Variants in ILRUN observed in about 807,000 individuals in gnomAD.
The protein encoded by ILRUN is inflammation and lipid regulator with UBA-like and NBR1-like domains, also known as protein ILRUN.
ILRUN carries 3 observed loss-of-function variants against 33.8 expected under a neutral mutation model. The observed-to-expected ratio is 0.09, with a 90% CI of 0.04 to 0.23. ILRUN has a LOEUF of 0.23. ILRUN is among the 10% of genes least tolerant of loss of function. The probability of loss-of-function intolerance (pLI) is 1.00; values close to 1 mark genes in which losing one functional copy is unlikely to be tolerated. For missense variants in ILRUN, 210 were observed against 375.1 expected, an observed-to-expected ratio of 0.56 and a Z score of 3.64; for synonymous variants, 124 against 138.9, an observed-to-expected ratio of 0.89 and a Z score of 0.75.
At chr6:34,629,965 T>G (rs1343072383) in intron 3 of ILRUN, among the ~76,000 whole-genome samples, 8 of 152,184 alleles carry the variant, frequency 5.3e-5, no homozygotes, top group African/African-American at 1.9e-4. Flanking sequence ...AAATTCTGAC[T>G]TATAAATTAG....
At chr6:34,616,249 G>A (rs933696091) in intron 3 of ILRUN, among the ~76,000 whole-genome samples, 5 of 152,222 alleles carry the variant, frequency 3.3e-5, no homozygotes, top group African/African-American at 1.2e-4. Context: ...GAAGATTATG[G>A]TGGAGGCCAC....
chr6:34,602,858 G>C (rs1761540237), intron 4 of ILRUN, among the ~76,000 whole-genome samples: 1 of 152,312 alleles, frequency 6.6e-6, no homozygotes, highest in Non-Finnish European at 1.5e-5. Context: ...TCCCCCCAGG[G>C]ACGGAGCACT....
Position 34,590,492 on chromosome 6 carries a change from G to T in ILRUN, c.*73C>A. 1 of 1,609,056 alleles carries T rather than the reference G, an allele frequency of 6.2e-7. No homozygotes were observed. Among genetic ancestry groups the T allele is most frequent in the South Asian group, 1.1e-5 (1 of 90,496 alleles). ...TGTGCGATGTGGTCTGCAATCCAGAGGAACCCCTTGCCCTAACCCCCCAAA... is the reference window on the plus strand; with the variant it reads ...TGTGCGATGTGGTCTGCAATCCAGATGAACCCCTTGCCCTAACCCCCCAAA... On this transcript the variant is annotated 3_prime_UTR_variant, in exon 5 of 5. Transcript: ENST00000374023.
At chr6:34,590,727 G>A (rs370887298) in intron 4 of ILRUN, 127 bp from the exon 5 acceptor site, 2 of 713,092 alleles carry the variant, frequency 2.8e-6, no homozygotes, top group East Asian at 5.1e-5. Context: ...AAGGCCTGAG[G>A]GTCTTTGCCA....
At chr6:34,612,731 A>C (rs528969669) in intron 3 of ILRUN, among the ~76,000 whole-genome samples, 1 of 152,190 alleles carries the variant, frequency 6.6e-6, no homozygotes, top group African/African-American at 2.4e-5. Flanking sequence ...ACATGGTGAA[A>C]CCCCATCCCT....
In ILRUN at chr6:34,598,141, A is replaced by C. The variant is rs145386008; in HGVS notation, c.862-7541T>G. Among the ~76,000 whole-genome samples the C allele has an allele frequency of 5.6e-3, 850 of 152,302 alleles. 9 individuals carry two copies. The highest frequency in any genetic ancestry group is 0.012 in the African/African-American group (508 of 41,554). On this transcript the variant is annotated intron_variant, in intron 4 of 4. Transcript: ENST00000374023. Reference sequence around the variant, plus strand: ...GGAGACCTCACTTACTGACTGAATAATATCAGTCAGTATTATTGACTGTAT... The same window carrying C: ...GGAGACCTCACTTACTGACTGAATACTATCAGTCAGTATTATTGACTGTAT...
chr6:34,692,265 G>A (rs936374177), intron 1 of ILRUN, among the ~76,000 whole-genome samples: 2 of 152,148 alleles, frequency 1.3e-5, no homozygotes, highest in Non-Finnish European at 2.9e-5. Flanking sequence ...CACTCAGACA[G>A]GTTTAATTTT....
intron 1 of ILRUN, among the ~76,000 whole-genome samples, chr6:34,684,961 T>A (rs1763483020): frequency 6.6e-6 from 1 of 152,186 alleles, no homozygotes; most frequent in Admixed American, 6.6e-5. Context: ...TGTTAGAGGT[T>A]TCTAAGAAGG....
At chr6:34,690,321 C>G (rs1424024847) in intron 1 of ILRUN, among the ~76,000 whole-genome samples, 1 of 152,186 alleles carries the variant, frequency 6.6e-6, no homozygotes, top group African/African-American at 2.4e-5. Context: ...ATTAGCCAGG[C>G]GTGGTGGCCC....
At chr6:34,683,491 T>TATATATACATATATATATATATAC (rs1763443315) in intron 1 of ILRUN, among the ~76,000 whole-genome samples, 1 of 92,926 alleles carries the variant, frequency 1.1e-5, no homozygotes, top group Non-Finnish European at 1.9e-5. Context: ...TATATACATA[T>TATATATACATATATATATATATAC]ATATATACAT....
intron 3 of ILRUN, among the ~76,000 whole-genome samples, chr6:34,639,705 A>T (rs977551144): frequency 1.3e-5 from 2 of 152,180 alleles, no homozygotes; most frequent in Non-Finnish European, 2.9e-5. Context: ...AAACTCTAAC[A>T]AGTATTAACA....
intron 4 of ILRUN, among the ~76,000 whole-genome samples, chr6:34,591,388 G>A (rs1761289608): frequency 6.6e-6 from 1 of 152,148 alleles, no homozygotes; most frequent in Non-Finnish European, 1.5e-5. Context: ...CCAGCTACTT[G>A]GGAGGCTGAA....
chr6:34,587,945 A>G lies in ILRUN; in HGVS notation c.*2620T>C. ...GTGCCAGACGCAGGTGGTCCTGCCC[A>G]GAGGTGGCCTGCCACTTGGTGAAGA... is the stretch of plus-strand genomic sequence containing the variant. On this transcript the variant is annotated 3_prime_UTR_variant, in exon 5 of 5. Coordinates refer to ENST00000374023, the MANE Select transcript of ILRUN (RefSeq NM_024294.4). 2.5e-6 allele frequency: 1 copy of G among 397,424 alleles called. No homozygotes were observed. Among genetic ancestry groups the G allele is most frequent in the Non-Finnish European group, 4.4e-6 (1 of 225,848 alleles). 24.6% of individuals were successfully genotyped at this position (397,424 alleles called of 1,614,324 possible). A position where few individuals can be genotyped will look rare whatever the true frequency, so the allele number is the denominator to read the frequency against.
Position 34,661,437 on chromosome 6 carries a change from C to T in ILRUN, c.159-6658G>A, listed in dbSNP as rs548763628. ...TAAAATGTTCTGTAAGGGCTGGGCA[C>T]GGTGGCTCATGGAGGTGGGGGTACT... On this transcript the variant is annotated intron_variant, in intron 1 of 4. Coordinates refer to ENST00000374023, the MANE Select transcript of ILRUN (RefSeq NM_024294.4). Among the ~76,000 whole-genome samples, 55 of 152,118 alleles carry T rather than the reference C, an allele frequency of 3.6e-4. No homozygotes were observed. The Middle Eastern group carries it at 0.01, about 28-fold the overall frequency.
At chr6:34,691,412 C>T (rs919441273) in intron 1 of ILRUN, among the ~76,000 whole-genome samples, 1 of 152,222 alleles carries the variant, frequency 6.6e-6, no homozygotes, top group African/African-American at 2.4e-5. Context: ...TGTTAACAGA[C>T]AGTTCCATCA....
At chr6:34,635,932 A>T (rs377117495) in intron 3 of ILRUN, among the ~76,000 whole-genome samples, 1 of 152,056 alleles carries the variant, frequency 6.6e-6, no homozygotes, top group East Asian at 1.9e-4. Flanking sequence ...TGGAAATCTT[A>T]AGAAGAAACT....
At chr6:34,657,542 C>T (rs1035357443) in intron 1 of ILRUN, among the ~76,000 whole-genome samples, 2 of 152,102 alleles carry the variant, frequency 1.3e-5, no homozygotes, top group Admixed American at 6.6e-5. Flanking sequence ...ATTTTTAAAC[C>T]CCAAACTGAA....
intron 3 of ILRUN, among the ~76,000 whole-genome samples, chr6:34,620,097 CAATGAATAAA>C (rs1761982334): frequency 1.3e-5 from 2 of 149,562 alleles, no homozygotes; most frequent in Non-Finnish European, 3.0e-5. Flanking sequence ...AAGAAAAAAA[CAATGAATAAA>C]AATGAGTACC....
intron 3 of ILRUN, among the ~76,000 whole-genome samples, chr6:34,621,757 G>A (rs189784787): frequency 6.6e-6 from 1 of 152,092 alleles, no homozygotes; most frequent in East Asian, 1.9e-4. Context: ...AGGTACTCAG[G>A]AGGCTGGGGC....
Sources: allele counts gnomAD v4.1 joint callset (sites outside exome capture counted in the v4.1 genomes callset), GRCh38; gene constraint gnomAD v4.1.1; transcripts MANE v1.5; gene names NCBI Gene and HGNC (gene_info 2026-07-23, HGNC 2026-07-21).